GABRG3: variants seen among roughly 807,000 people sequenced by gnomAD.
The protein encoded by GABRG3 is gamma-aminobutyric acid receptor subunit gamma-3.
Under a neutral mutation model 48.8 loss-of-function variants are expected in GABRG3, and 25 were observed. The ratio of observed to expected loss-of-function variants is 0.51; its 90% CI spans 0.37 to 0.72. GABRG3 has a LOEUF of 0.72. GABRG3 is among the 30% of genes least tolerant of loss of function. The probability of loss-of-function intolerance (pLI) is 0.00; values close to 1 mark genes in which losing one functional copy is unlikely to be tolerated. For synonymous variants in GABRG3, 227 were observed against 217.6 expected (o/e 1.04, Z -0.38); for missense variants, 394 against 577.9 (o/e 0.68, Z 3.26).
chr15:27,205,140 C>G (rs1888812303), intron 3 of GABRG3, among the ~76,000 whole-genome samples: 1 of 151,908 alleles, frequency 6.6e-6, no homozygotes, highest in African/African-American at 2.4e-5. Context: ...TTCTGGTTTT[C>G]AAGAGGATTG....
At chr15:27,479,811 G>C (rs939833459) in intron 5 of GABRG3, among the ~76,000 whole-genome samples, 10 of 152,224 alleles carry the variant, frequency 6.6e-5, no homozygotes, top group African/African-American at 2.4e-4. Flanking sequence ...CAGAGCTGCA[G>C]AGCCTGCAGA....
intron 3 of GABRG3, among the ~76,000 whole-genome samples, chr15:27,314,487 A>G (rs532911821): frequency 1.1e-4 from 16 of 152,212 alleles, no homozygotes; most frequent in Non-Finnish European, 2.2e-4. Flanking sequence ...TACAGCCACT[A>G]TGGAAAACAG....
At chr15:27,400,087 T>C (rs190653517) in intron 5 of GABRG3, among the ~76,000 whole-genome samples, 5 of 152,376 alleles carry the variant, frequency 3.3e-5, no homozygotes, top group Admixed American at 2.6e-4. Flanking sequence ...TGAAGGGATT[T>C]GTCTGAAGCT....
chr15:27,318,843 T>C (rs1185839055), intron 3 of GABRG3, among the ~76,000 whole-genome samples: 1 of 152,128 alleles, frequency 6.6e-6, no homozygotes, highest in Non-Finnish European at 1.5e-5. Flanking sequence ...GTGCAGTCAT[T>C]GGAAACCATT....
In GABRG3 at chr15:27,248,795, CA is replaced by C. The variant is rs1410242322; in HGVS notation, c.271-78013del. The stretch of plus-strand genomic sequence containing the variant: ...ACACACACACACACACACACACACA[CA>C]CACACACAGAGAGAGAGAGAGAGAG... On this transcript the variant is annotated intron_variant, in intron 3 of 9. Coordinates refer to ENST00000615808, the MANE Select transcript of GABRG3 (RefSeq NM_033223.5). 7.6e-3 allele frequency among the ~76,000 whole-genome samples: 915 copies of C among 119,916 alleles called. 7 individuals carry two copies. The highest frequency in any genetic ancestry group is 0.03 in the African/African-American group (870 of 28,886). The allele number at this position is 119,916 out of a possible 152,430, so 78.7% of individuals were successfully genotyped here. A position where few individuals can be genotyped will look rare whatever the true frequency, so the allele number is the denominator to read the frequency against.
At chr15:27,041,470 C>G (rs1331846625) in intron 3 of GABRG3, among the ~76,000 whole-genome samples, 1 of 152,124 alleles carries the variant, frequency 6.6e-6, no homozygotes, top group Non-Finnish European at 1.5e-5. Context: ...TGTGAGCCAC[C>G]ACGCCCAGCC....
chr15:27,277,810 G>C (rs6606895), intron 3 of GABRG3, among the ~76,000 whole-genome samples: 99,572 of 151,990 alleles, frequency 0.66, 33,654 homozygotes, highest in African/African-American at 0.78. Flanking sequence ...GGCCATTAAA[G>C]CATTATCTTT....
At chr15:27,108,697 C>T (rs1473193510) in intron 3 of GABRG3, among the ~76,000 whole-genome samples, 1 of 152,114 alleles carries the variant, frequency 6.6e-6, no homozygotes, top group Non-Finnish European at 1.5e-5. Flanking sequence ...TAGTGGATGT[C>T]TCTGTTTCTC....
intron 6 of GABRG3, chr15:27,483,303 C>T (rs1890142900): frequency 6.6e-6 from 1 of 152,170 alleles, no homozygotes; most frequent in African/African-American, 2.4e-5. Context: ...TAACCTGCAG[C>T]AAATTCAAGG....
chr15:27,317,523 G>A (rs181759958), intron 3 of GABRG3, among the ~76,000 whole-genome samples: 125 of 152,270 alleles, frequency 8.2e-4, no homozygotes, highest in African/African-American at 2.5e-3. Context: ...GTGTTTGAGA[G>A]GCCTCACTAG....
At chr15:27,309,419 T>C (rs1235890377) in intron 3 of GABRG3, among the ~76,000 whole-genome samples, 1 of 151,896 alleles carries the variant, frequency 6.6e-6, no homozygotes, top group Non-Finnish European at 1.5e-5. Context: ...GGGACTAGCC[T>C]ATGCAAATCA....
At chr15:27,374,059 A>G (rs1000165377) in intron 5 of GABRG3, among the ~76,000 whole-genome samples, 1 of 150,938 alleles carries the variant, frequency 6.6e-6, no homozygotes, top group East Asian at 1.9e-4. Context: ...TTATGATTTT[A>G]TAAATGCAAT....
chr15:27,071,190 T>C (rs1896820886), intron 3 of GABRG3, among the ~76,000 whole-genome samples: 1 of 152,170 alleles, frequency 6.6e-6, no homozygotes, highest in Non-Finnish European at 1.5e-5. Context: ...GCTGTGTTGA[T>C]ATTGTCATTT....
intron 5 of GABRG3, among the ~76,000 whole-genome samples, chr15:27,469,727 G>A (rs371394405): frequency 1.3e-5 from 2 of 152,108 alleles, no homozygotes; most frequent in South Asian, 2.1e-4. Context: ...ACACATCCTA[G>A]GTTTGGCTGA....
chr15:27,279,927 G>A (rs957487466), intron 3 of GABRG3, among the ~76,000 whole-genome samples: 10 of 151,882 alleles, frequency 6.6e-5, no homozygotes, highest in East Asian at 1.9e-4. Flanking sequence ...TTTAAAATTC[G>A]TGTTTTTTAC....
At chr15:27,130,996 C>T (rs1897906983) in intron 3 of GABRG3, among the ~76,000 whole-genome samples, 1 of 152,030 alleles carries the variant, frequency 6.6e-6, no homozygotes, top group Non-Finnish European at 1.5e-5. Context: ...GATAATTTTA[C>T]ATCTTCCTTT....
At chr15:27,308,304 A>G (rs1379417274) in intron 3 of GABRG3, among the ~76,000 whole-genome samples, 1 of 121,498 alleles carries the variant, frequency 8.2e-6, no homozygotes, top group Non-Finnish European at 1.6e-5. Context: ...TAAACATCAT[A>G]TAAACATATA....
intron 3 of GABRG3, among the ~76,000 whole-genome samples, chr15:27,270,247 C>T (rs1307846288): frequency 6.6e-6 from 1 of 152,068 alleles, no homozygotes; most frequent in Non-Finnish European, 1.5e-5. Context: ...GTCTCTGTTG[C>T]AGGAGAGAAA....
At chr15:27,184,267 C>T (rs1888024094) in intron 3 of GABRG3, among the ~76,000 whole-genome samples, 1 of 152,126 alleles carries the variant, frequency 6.6e-6, no homozygotes, top group Non-Finnish European at 1.5e-5. Flanking sequence ...TGTCTCCAGG[C>T]TGAGAAGGAT....
Sources: allele counts gnomAD v4.1 joint callset (sites outside exome capture counted in the v4.1 genomes callset), GRCh38; gene constraint gnomAD v4.1.1; transcripts MANE v1.5; gene names NCBI Gene and HGNC (gene_info 2026-07-23, HGNC 2026-07-21).